The following EML5 variants were observed in gnomAD, a reference collection of about 807,000 sequenced individuals.
EML5 encodes the protein echinoderm microtubule-associated protein-like 5.
Under a neutral mutation model 250.0 loss-of-function variants are expected in EML5, and 120 were observed. That is an observed-to-expected ratio of 0.48 (90% CI 0.41 to 0.56). EML5 has a LOEUF of 0.56. EML5 is among the 20% of genes least tolerant of loss of function. EML5 has a pLI of 0.00. For synonymous variants in EML5, 771 were observed against 806.5 expected (o/e 0.96, Z 0.75); for missense variants, 2,006 against 2,437.6 (o/e 0.82, Z 3.73).
intron 30 of EML5, among the ~76,000 whole-genome samples, 196 bp from the exon 31 acceptor site, chr14:88,643,218 T>A (rs563465327): frequency 6.6e-6 from 1 of 152,206 alleles, no homozygotes; most frequent in South Asian, 2.1e-4. Flanking sequence ...TAAACATACA[T>A]TCTATACTTT....
chr14:88,739,036 T>C, intron 5 of EML5, 22 bp from the exon 6 acceptor site: 1 of 1,574,662 alleles, frequency 6.4e-7, no homozygotes, highest in African/African-American at 1.4e-5. Flanking sequence ...AATAAAATAA[T>C]TTAACGACAA....
rs200753157 is a variant in EML5 at position 88,681,877 on chromosome 14, G to T, written c.3124+13C>A. On this transcript the variant is annotated intron_variant, in intron 21 of 43. Coordinates refer to ENST00000554922, the MANE Select transcript of EML5 (RefSeq NM_183387.3). The stretch of plus-strand genomic sequence containing the variant: ...GAGAGCTTAATCTACGTTCAAGTGT[G>T]AGAGCCTCTTACCCTTTTTCAGCTT... 3.7e-5 allele frequency: 59 copies of T among 1,595,602 alleles called. No homozygotes were observed. In the East Asian group the frequency reaches 1.3e-3, roughly 35 times the overall value.
intron 3 of EML5, among the ~76,000 whole-genome samples, chr14:88,744,383 G>A (rs2140282860): frequency 6.6e-6 from 1 of 151,950 alleles, no homozygotes; most frequent in African/African-American, 2.4e-5. Context: ...AACAAGAATG[G>A]TTGAACAGAA....
Position 88,792,408 on chromosome 14 carries a change from C to A in EML5, c.96G>T (p.Ala32=). The A allele has an allele frequency of 6.4e-7, 1 of 1,563,478 alleles. No individual in the cohort carries two copies. Among genetic ancestry groups the A allele is most frequent in the Non-Finnish European group, 8.7e-7 (1 of 1,156,034 alleles). ...HQCRNNLYYT[A]AKEIVYFVAG... is the part of the protein sequence containing the mutation. The stretch of plus-strand genomic sequence containing the variant: ...CCACGAAGTATACGATCTCCTTGGC[C>A]GCAGTGTAGTAGAGGTTGTTGCGGC... The change falls in exon 1 of 44, where the codon GCG becomes GCT. Residue 32 remains alanine (A), a synonymous_variant. Transcript: ENST00000554922. This position sits in a 1 kb window ranked among gnomAD's most constrained non-coding sequence, Gnocchi z 6.9.
intron 21 of EML5, among the ~76,000 whole-genome samples, chr14:88,667,448 G>T (rs1464796533): frequency 2.6e-5 from 4 of 152,198 alleles, no homozygotes; most frequent in Admixed American, 2.6e-4. Context: ...TGTACCAAGG[G>T]TAGCTGCATC....
chr14:88,763,657 G>A (rs928752988), intron 1 of EML5, among the ~76,000 whole-genome samples: 2 of 152,172 alleles, frequency 1.3e-5, no homozygotes, highest in Non-Finnish European at 1.5e-5. Context: ...CCCATTTTAT[G>A]AGGCCGGCAT....
At chr14:88,673,984 C>A (rs552446879) in intron 21 of EML5, among the ~76,000 whole-genome samples, 1 of 152,126 alleles carries the variant, frequency 6.6e-6, no homozygotes, top group Non-Finnish European at 1.5e-5. Context: ...TGAAGAAATA[C>A]CTGGCTGGGT....
intron 28 of EML5, among the ~76,000 whole-genome samples, chr14:88,647,386 A>G (rs2091402481): frequency 6.6e-6 from 1 of 151,970 alleles, no homozygotes; most frequent in Non-Finnish European, 1.5e-5. Flanking sequence ...GAAAAAAAAG[A>G]AAGAAAAAAG....
intron 1 of EML5, among the ~76,000 whole-genome samples, chr14:88,764,131 G>A (rs748737500): frequency 1.6e-4 from 25 of 152,132 alleles, no homozygotes; most frequent in African/African-American, 4.3e-4. Context: ...TCCTACTGAC[G>A]GATTTTATTT....
At chr14:88,770,175 G>C (rs1166252482) in intron 1 of EML5, among the ~76,000 whole-genome samples, 3 of 152,124 alleles carry the variant, frequency 2.0e-5, no homozygotes, top group East Asian at 3.9e-4. Context: ...GTAATGCTGG[G>C]GCTATGGTTT....
intron 39 of EML5, chr14:88,619,685 A>AT (rs35732162): frequency 0.24 from 36,492 of 149,716 alleles, 5,225 homozygotes; most frequent in East Asian, 0.47. Context: ...TGGAAGAAGA[A>AT]TTTTTTTTTT....
intron 2 of EML5, among the ~76,000 whole-genome samples, chr14:88,747,651 C>T (rs766574694): frequency 4.6e-5 from 7 of 152,056 alleles, no homozygotes; most frequent in Non-Finnish European, 5.9e-5. Context: ...GCAAAGAATA[C>T]GAGACTATAA....
rs2094138294 is a variant in EML5 at position 88,754,667 on chromosome 14, C to A, written c.202G>T (p.Ala68Ser). The A allele has an allele frequency of 1.2e-6, 2 of 1,603,706 alleles. No homozygotes were observed. Among genetic ancestry groups the A allele is most frequent in the African/African-American group, 2.7e-5 (2 of 74,546 alleles). Residue 68 changes from alanine (A) to serine (S), a missense_variant, in exon 2 of 44, where the codon GCA (alanine) becomes TCA (serine). Physicochemically the swap from Ala to Ser is moderately conservative, Grantham distance 99. Transcript: ENST00000554922. ...RGHSDDIISL[A>S]LHPERVLVAT... ...ACCAACACTCGTTCAGGATGCAATG[C>A]AAGGCTGTAAAATAAGGAAATAAAT...
chr14:88,668,558 G>A (rs1361711215), intron 21 of EML5, among the ~76,000 whole-genome samples: 1 of 152,166 alleles, frequency 6.6e-6, no homozygotes, highest in Non-Finnish European at 1.5e-5. Context: ...AGCCTAATTG[G>A]AGTGGGTTAT....
intron 21 of EML5, among the ~76,000 whole-genome samples, chr14:88,672,593 A>G (rs1595466528): frequency 6.6e-6 from 1 of 152,164 alleles, no homozygotes; most frequent in East Asian, 1.9e-4. Flanking sequence ...GCGTCAAAAA[A>G]TATTAATGAA....
At chr14:88,657,629 A>G (rs1248956751) in intron 26 of EML5, 127 bp from the exon 27 acceptor site, 43 of 837,752 alleles carry the variant, frequency 5.1e-5, no homozygotes, top group Non-Finnish European at 6.8e-5. Context: ...TTATGAAGTA[A>G]TATACAACCA....
intron 8 of EML5, among the ~76,000 whole-genome samples, chr14:88,717,608 A>G (rs902284372): frequency 1.3e-5 from 2 of 152,072 alleles, no homozygotes; most frequent in Admixed American, 1.3e-4. Flanking sequence ...ACAAAAAATT[A>G]GCCAGGTGTG....
At chr14:88,691,532 T>C (rs187584395) in intron 17 of EML5, among the ~76,000 whole-genome samples, 1 of 152,316 alleles carries the variant, frequency 6.6e-6, no homozygotes, top group East Asian at 1.9e-4. Context: ...CACATTATTA[T>C]TGCATCAAAA....
chr14:88,658,343 CAT>C lies in EML5; in HGVS notation c.3719_3720del (p.His1240ArgfsTer9). 6.2e-7 allele frequency: 1 copy of C among 1,613,802 alleles called. No individual in the cohort carries two copies. The highest frequency in any genetic ancestry group is 8.5e-7 in the Non-Finnish European group (1 of 1,179,788). On this transcript the variant is annotated frameshift_variant, in exon 26 of 44. Transcript: ENST00000554922. LOFTEE classifies it high-confidence loss of function. ...KFKRYVAHST[H>X]VTNVRWTYDD... The stretch of plus-strand genomic sequence containing the variant: ...TCATAAGTCCAGCGAACATTTGTGA[CAT>C]GTGTACTATGGGCCACATACCTCTT...
Sources: allele counts gnomAD v4.1 joint callset (sites outside exome capture counted in the v4.1 genomes callset), GRCh38; gene constraint gnomAD v4.1.1; non-coding constraint Gnocchi (gnomAD v3.1); transcripts MANE v1.5; gene names NCBI Gene and HGNC (gene_info 2026-07-23, HGNC 2026-07-21).